The following KLHL18 variants were observed in gnomAD, a reference collection of about 807,000 sequenced individuals.
KLHL18 encodes the protein kelch like family member 18, also known as kelch-like protein 18.
Under a neutral mutation model 58.5 loss-of-function variants are expected in KLHL18, and 38 were observed. The ratio of observed to expected loss-of-function variants is 0.65; its 90% CI spans 0.50 to 0.85. The LOEUF (loss-of-function observed/expected upper bound fraction) is 0.85, where lower values mean the gene tolerates loss of function less well. Ranked by LOEUF, KLHL18 falls within the 40% of genes least tolerant of loss-of-function variation. The pLI is 0.00. For missense variants in KLHL18, 624 were observed against 778.4 expected (o/e 0.80, Z 2.36); for synonymous variants, 303 against 301.9 (o/e 1.00, Z -0.04).
At chr3:47,296,507 A>T (rs1470859917) in intron 1 of KLHL18, among the ~76,000 whole-genome samples, 1 of 152,190 alleles carries the variant, frequency 6.6e-6, no homozygotes, top group Non-Finnish European at 1.5e-5. Context: ...AAGATAGATT[A>T]TGCATCAATT....
rs1704231031 is a variant in KLHL18, at chr3:47,346,671, A to C, written c.*2730A>C. ...AGAGATTACAGCCAGATGGGGGCTG[A>C]AGACCATCCTCTTGACCACAGAGGT... On this transcript the variant is annotated 3_prime_UTR_variant, in exon 10 of 10. Transcript: ENST00000232766. 6.5e-6 allele frequency: 1 copy of C among 152,692 alleles called. No individual in the cohort carries two copies. Among genetic ancestry groups the C allele is most frequent in the South Asian group, 2.1e-4 (1 of 4,836 alleles). The allele number at this position is 152,692 out of a possible 1,614,324, so 9.5% of individuals were successfully genotyped here. A position where few individuals can be genotyped will look rare whatever the true frequency, so the allele number is the denominator to read the frequency against.
chr3:47,318,873 C>T (rs1411655257), intron 1 of KLHL18, among the ~76,000 whole-genome samples: 5 of 152,150 alleles, frequency 3.3e-5, no homozygotes, highest in African/African-American at 1.2e-4. Flanking sequence ...AAGAGATGAC[C>T]ATCAGATAGT....
chr3:47,339,118 C>G (rs889827020), intron 7 of KLHL18, among the ~76,000 whole-genome samples: 5 of 152,160 alleles, frequency 3.3e-5, no homozygotes, highest in Non-Finnish European at 4.4e-5. Context: ...GAGGAGAGAC[C>G]TCAGCCTCCC....
At chr3:47,304,197 A>T (rs2107600755) in intron 1 of KLHL18, among the ~76,000 whole-genome samples, 1 of 152,262 alleles carries the variant, frequency 6.6e-6, no homozygotes, top group Middle Eastern at 3.4e-3. Context: ...TTTGTCTTTC[A>T]TATAAATTTT....
intron 1 of KLHL18, among the ~76,000 whole-genome samples, chr3:47,312,905 A>ATTT (rs35710141): frequency 4.3e-4 from 51 of 117,880 alleles, no homozygotes; most frequent in South Asian, 5.7e-4. Context: ...ATACCTTTTA[A>ATTT]TTTTTTTTTT....
At position 47,303,653 on chromosome 3, in the gene KLHL18, G is replaced by T. The variant is rs1703074332; in HGVS notation, c.130-16000G>T. Among the ~76,000 whole-genome samples, 3 of 152,100 alleles carry T rather than the reference G, an allele frequency of 2.0e-5. No individual in the cohort carries two copies. In the South Asian group the frequency reaches 6.2e-4, roughly 32 times the overall value. ...ACCTAGGCTGGCTTCAAACTGCAGG[G>T]CTCAAGCAATTCTCCTGTCTTGGCC... On this transcript the variant is annotated intron_variant, in intron 1 of 9. Coordinates refer to ENST00000232766, the MANE Select transcript of KLHL18 (RefSeq NM_025010.5).
At chr3:47,341,446 T>C (rs1372768451) in intron 8 of KLHL18, among the ~76,000 whole-genome samples, 1 of 152,186 alleles carries the variant, frequency 6.6e-6, no homozygotes, top group Non-Finnish European at 1.5e-5. Flanking sequence ...ATGATCATCC[T>C]ACCCTGGAGG....
At chr3:47,333,363 A>G (rs1703912324) in intron 5 of KLHL18, 46 bp downstream of exon 5, 2 of 1,569,376 alleles carry the variant, frequency 1.3e-6, no homozygotes, top group Non-Finnish European at 1.7e-6. Flanking sequence ...AGGTCTAAGC[A>G]GGGAAGAGGA....
rs1476297971 is a variant in KLHL18, at chr3:47,310,610, A to G, written c.130-9043A>G. Among the ~76,000 whole-genome samples, 8 of 152,286 alleles carry G rather than the reference A, an allele frequency of 5.3e-5. No homozygotes were observed. In the East Asian group the frequency reaches 1.5e-3, roughly 29 times the overall value. ...CATAGTCTCTGTTTAGATGCCTCCC[A>G]GGCACTCGGTGTCAGCTTGTCCAAA... is the stretch of plus-strand genomic sequence containing the variant. On this transcript the variant is annotated intron_variant, in intron 1 of 9. Coordinates refer to ENST00000232766, the MANE Select transcript of KLHL18 (RefSeq NM_025010.5).
chr3:47,340,518 G>C lies in KLHL18; in HGVS notation c.1122-54G>C, dbSNP rs566119593. 3 of 1,612,010 alleles carry C rather than the reference G, an allele frequency of 1.9e-6. No individual in the cohort carries two copies. In the African/African-American group the frequency reaches 4.0e-5, roughly 21 times the overall value. On this transcript the variant is annotated intron_variant, in intron 7 of 9. Coordinates refer to ENST00000232766, the MANE Select transcript of KLHL18 (RefSeq NM_025010.5). ...GGTTTGTTTCTCAGTGGGCAAGAGA[G>C]GCTGCTCCAGGAAGGCTGCGGCTCA... is the stretch of plus-strand genomic sequence containing the variant.
intron 1 of KLHL18, among the ~76,000 whole-genome samples, chr3:47,295,865 G>A (rs978836199): frequency 1.3e-5 from 2 of 151,926 alleles, no homozygotes; most frequent in Admixed American, 6.6e-5. Flanking sequence ...CACTGTGCCC[G>A]GCCCCTTCAA....
intron 3 of KLHL18, among the ~76,000 whole-genome samples, chr3:47,323,732 C>G (rs1703641637): frequency 6.6e-6 from 1 of 152,166 alleles, no homozygotes; most frequent in Admixed American, 6.5e-5. Flanking sequence ...GTCTATGGTG[C>G]TTCACACACC....
intron 1 of KLHL18, among the ~76,000 whole-genome samples, chr3:47,318,003 G>T (rs935277262): frequency 6.6e-6 from 1 of 152,080 alleles, no homozygotes. Context: ...CAAGTAGCTG[G>T]GATTACAGGC....
intron 6 of KLHL18, among the ~76,000 whole-genome samples, 200 bp from the exon 7 acceptor site, chr3:47,336,335 G>C (rs1224857210): frequency 2.0e-5 from 3 of 152,188 alleles, no homozygotes; most frequent in Non-Finnish European, 2.9e-5. Context: ...AATACCTCCT[G>C]TCTGATTCTG....
At chr3:47,329,314 G>A (rs1461275171) in intron 3 of KLHL18, among the ~76,000 whole-genome samples, 1 of 151,954 alleles carries the variant, frequency 6.6e-6, no homozygotes, top group Non-Finnish European at 1.5e-5. Flanking sequence ...TGCAAGCTCC[G>A]CCTCCTGGGT....
In KLHL18 at chr3:47,311,431, A is replaced by G. The variant is rs182548232; in HGVS notation, c.130-8222A>G. On this transcript the variant is annotated intron_variant, in intron 1 of 9. Coordinates refer to ENST00000232766, the MANE Select transcript of KLHL18 (RefSeq NM_025010.5). ...GTATAGGCCAGGCGTGGTGGCTCAC[A>G]CCTGTAATCCCAGCACTTTGGGAGG... Among the ~76,000 whole-genome samples the G allele has an allele frequency of 1.2e-3, 178 of 152,132 alleles. 4 individuals carry two copies. In the East Asian group the frequency reaches 0.028, roughly 24 times the overall value.
chr3:47,283,288 C>T (rs1576119847), intron 1 of KLHL18, 194 bp downstream of exon 1: 2 of 611,570 alleles, frequency 3.3e-6, no homozygotes, highest in East Asian at 2.8e-5. Flanking sequence ...AGAGGACAAC[C>T]TTTCAGCCCT....
chr3:47,341,605 C>T (rs1704109723), intron 8 of KLHL18, among the ~76,000 whole-genome samples: 1 of 152,130 alleles, frequency 6.6e-6, no homozygotes, highest in Non-Finnish European at 1.5e-5. Flanking sequence ...AGGGAGACAA[C>T]AAGGAGTGAG....
chr3:47,323,635 T>TAA (rs1703639136), intron 3 of KLHL18, among the ~76,000 whole-genome samples: 1 of 152,036 alleles, frequency 6.6e-6, no homozygotes, highest in Admixed American at 6.6e-5. Context: ...AGTCATAAGG[T>TAA]AAAGGCCTTT....
Sources: allele counts gnomAD v4.1 joint callset (sites outside exome capture counted in the v4.1 genomes callset), GRCh38; gene constraint gnomAD v4.1.1; transcripts MANE v1.5; gene names NCBI Gene and HGNC (gene_info 2026-07-23, HGNC 2026-07-21).